ADAM15: variants seen among roughly 807,000 people sequenced by gnomAD.
The protein encoded by ADAM15 is disintegrin and metalloproteinase domain-containing protein 15.
In ADAM15, 77 loss-of-function variants were observed where a neutral mutation model predicts 113.8. The ratio of observed to expected loss-of-function variants is 0.68; its 90% CI spans 0.56 to 0.82. The LOEUF (loss-of-function observed/expected upper bound fraction) is 0.82. Among genes scored for constraint, ADAM15 ranks in the 40% least tolerant of loss-of-function variants. The pLI, the probability that ADAM15 is intolerant of heterozygous loss-of-function variation, is 0.00. For missense variants in ADAM15, 963 were observed against 1,120.1 expected (o/e 0.86, Z 2.00); for synonymous variants, 388 against 454.1 (o/e 0.85, Z 1.85).
intron 20 of ADAM15, 86 bp downstream of exon 20, chr1:155,061,575 G>T (rs1325272889): frequency 2.3e-5 from 33 of 1,407,330 alleles, no homozygotes; most frequent in Non-Finnish European, 5.9e-6. Context: ...CTCCCTGCCA[G>T]TGGTGCTCTT....
intron 18 of ADAM15, 68 bp from the exon 19 acceptor site, chr1:155,060,695 G>A: frequency 6.5e-7 from 1 of 1,527,536 alleles, no homozygotes; most frequent in Non-Finnish European, 9.1e-7. Flanking sequence ...CCCACTCAGG[G>A]ATGGCATATG....
At position 155,062,649 on chromosome 1, in the gene ADAM15, C is replaced by T; in HGVS notation, c.*147C>T. The T allele has an allele frequency of 8.8e-7, 1 of 1,138,300 alleles. No homozygotes were observed. The highest frequency in any genetic ancestry group is 1.2e-6 in the Non-Finnish European group (1 of 813,210). The allele number at this position is 1,138,300 out of a possible 1,614,324, so 70.5% of individuals were successfully genotyped here. On this transcript the variant is annotated 3_prime_UTR_variant, in exon 23 of 23. Coordinates refer to ENST00000356955, the MANE Select transcript of ADAM15 (RefSeq NM_207197.3). This position sits in a 1 kb window ranked among gnomAD's most constrained non-coding sequence, Gnocchi z 7.0. The stretch of plus-strand genomic sequence containing the variant: ...CACCGCCACGCGCTGTCAAGCAACA[C>T]TCTGCGGACCTGCCGGCGTAGTTGC...
intron 2 of ADAM15, 45 bp downstream of exon 2, chr1:155,052,822 C>A (rs1464399080): frequency 1.3e-6 from 2 of 1,559,486 alleles, no homozygotes; most frequent in East Asian, 2.3e-5. Context: ...TCCACACACG[C>A]CCCGGTATAG....
Position 155,062,226 on chromosome 1 carries a change from C to T in ADAM15, c.2425-19C>T, listed in dbSNP as rs1350338681. On this transcript the variant is annotated intron_variant, in intron 21 of 22. Coordinates refer to ENST00000356955, the MANE Select transcript of ADAM15 (RefSeq NM_207197.3). The surrounding 1 kb of genome is among the most constrained non-coding windows in gnomAD (Gnocchi z 7.0). The stretch of plus-strand genomic sequence containing the variant: ...GACACCCCCCCACCTAAGCCGGCCT[C>T]CTGCCTTCTCTCCCTCAGTCTCAGG... 6.9e-7 allele frequency: 1 copy of T among 1,448,138 alleles called. No individual in the cohort carries two copies. Among genetic ancestry groups the T allele is most frequent in the Non-Finnish European group, 9.1e-7 (1 of 1,097,694 alleles). The allele number at this position is 1,448,138 out of a possible 1,614,324, so 89.7% of individuals were successfully genotyped here. A position where few individuals can be genotyped will look rare whatever the true frequency, so the allele number is the denominator to read the frequency against.
intron 20 of ADAM15, 181 bp from the exon 21 acceptor site, chr1:155,061,723 A>T: frequency 1.2e-6 from 1 of 815,690 alleles, no homozygotes; most frequent in Non-Finnish European, 1.9e-6. Flanking sequence ...ACTGCGGTTG[A>T]CCTACACCTT....
chr1:155,053,617 T>C (rs1038263417), intron 3 of ADAM15, 124 bp downstream of exon 3: 19 of 979,004 alleles, frequency 1.9e-5, no homozygotes, highest in Non-Finnish European at 3.0e-5. Context: ...AGGGATATAC[T>C]ATCATGTATT....
Position 155,058,816 on chromosome 1 carries a change from G to C in ADAM15, c.1995+29G>C. Reference sequence around the variant, plus strand: ...AGCTGGGATGGGGGAAGTGGAAGGGGAGCAGAGAGCCTCTAGAGAGGAAAA... The same window carrying C: ...AGCTGGGATGGGGGAAGTGGAAGGGCAGCAGAGAGCCTCTAGAGAGGAAAA... On this transcript the variant is annotated intron_variant, in intron 16 of 22. Transcript: ENST00000356955. This position sits in a 1 kb window ranked among gnomAD's most constrained non-coding sequence, Gnocchi z 4.3. 7 of 1,597,948 alleles carry C rather than the reference G, an allele frequency of 4.4e-6. No individual in the cohort carries two copies. Among genetic ancestry groups the C allele is most frequent in the Non-Finnish European group, 6.0e-6 (7 of 1,171,440 alleles).
Position 155,062,348 on chromosome 1 carries a change from C to CG in ADAM15, c.2529dup (p.Pro844AlafsTer34). 1 of 1,573,672 alleles carries CG rather than the reference C, an allele frequency of 6.4e-7. No homozygotes were observed. Among genetic ancestry groups the CG allele is most frequent in the African/African-American group, 1.3e-5 (1 of 74,270 alleles). On this transcript the variant is annotated frameshift_variant, in exon 22 of 23. Coordinates refer to ENST00000356955, the MANE Select transcript of ADAM15 (RefSeq NM_207197.3). LOFTEE classifies it high-confidence loss of function. The surrounding 1 kb of genome is among the most constrained non-coding windows in gnomAD (Gnocchi z 7.0). ...CTGCCCGGCCCAGGGGCTGGAATCC[C>CG]GCCCCTAGTGGTACCCTCCAGGTAG...
Position 155,062,667 on chromosome 1 carries a change from G to A in ADAM15, c.*165G>A. Reference sequence around the variant, plus strand: ...AGCAACACTCTGCGGACCTGCCGGCGTAGTTGCAGCGGGGGCTTGGGGAGG... The same window carrying A: ...AGCAACACTCTGCGGACCTGCCGGCATAGTTGCAGCGGGGGCTTGGGGAGG... On this transcript the variant is annotated 3_prime_UTR_variant, in exon 23 of 23. Coordinates refer to ENST00000356955, the MANE Select transcript of ADAM15 (RefSeq NM_207197.3). This position sits in a 1 kb window ranked among gnomAD's most constrained non-coding sequence, Gnocchi z 7.0. 3 of 1,000,628 alleles carry A rather than the reference G, an allele frequency of 3.0e-6. No homozygotes were observed. Among genetic ancestry groups the A allele is most frequent in the South Asian group, 1.7e-5 (1 of 60,044 alleles). The allele number at this position is 1,000,628 out of a possible 1,614,324, so 62.0% of individuals were successfully genotyped here. A position where few individuals can be genotyped will look rare whatever the true frequency, so the allele number is the denominator to read the frequency against.
rs1571599581 is a variant in ADAM15, at chr1:155,054,240, A to C, written c.419+14A>C. On this transcript the variant is annotated intron_variant, in intron 5 of 22. Coordinates refer to ENST00000356955, the MANE Select transcript of ADAM15 (RefSeq NM_207197.3). ...CTCTGGGCTCAGGTATACTGGGCGG[A>C]TTTAATGACAGTAGAGAAAGTAAGG... The C allele has an allele frequency of 1.3e-6, 2 of 1,590,050 alleles. No individual in the cohort carries two copies. Among genetic ancestry groups the C allele is most frequent in the East Asian group, 4.5e-5 (2 of 44,650 alleles).
In ADAM15 at chr1:155,062,694, G is replaced by C; in HGVS notation, c.*192G>C. 1 of 752,768 alleles carries C rather than the reference G, an allele frequency of 1.3e-6. No homozygotes were observed. Among genetic ancestry groups the C allele is most frequent in the South Asian group, 1.9e-5 (1 of 53,688 alleles). 46.6% of individuals were successfully genotyped at this position (752,768 alleles called of 1,614,324 possible). On this transcript the variant is annotated 3_prime_UTR_variant, in exon 23 of 23. Transcript: ENST00000356955. This position sits in a 1 kb window ranked among gnomAD's most constrained non-coding sequence, Gnocchi z 7.0. ...AGTTGCAGCGGGGGCTTGGGGAGGG[G>C]CTGGGGGTTGGACGGGATTGAGGAA...
rs11589479 is a variant in ADAM15 at position 155,060,832 on chromosome 1, G to A, written c.2277G>A (p.Lys759=). 240,939 of 1,610,292 alleles carry A rather than the reference G, an allele frequency of 0.15. 20,064 individuals are homozygous for A. The highest frequency in any genetic ancestry group is 0.23 in the Middle Eastern group (1,398 of 6,050). The part of the protein sequence containing the change: ...PQRALLARGT[K]QASALSFPAP... ...GGGCCCTGCTGGCACGAGGCACTAA[G>A]GTGAGTCCTGGATGCCAGAGGAAGG... Residue 759 remains lysine (K), a splice_region_variant and synonymous_variant, in exon 19 of 23, where the codon AAG becomes AAA. Transcript: ENST00000356955.
intron 17 of ADAM15, 105 bp from the exon 18 acceptor site, chr1:155,060,100 C>T (rs932546753): frequency 5.7e-5 from 89 of 1,568,924 alleles, no homozygotes; most frequent in Non-Finnish European, 7.7e-5. Context: ...GCCCCTTGAA[C>T]CCTTCACTCT....
intron 1 of ADAM15, chr1:155,052,212 G>T (rs1661136443): frequency 4.9e-6 from 2 of 410,402 alleles, no homozygotes; most frequent in Non-Finnish European, 8.9e-6. Flanking sequence ...GTTTAGGGAG[G>T]TGGGGGTGTT....
chr1:155,055,147 A>G (rs916454618), intron 6 of ADAM15, among the ~76,000 whole-genome samples: 21 of 152,226 alleles, frequency 1.4e-4, no homozygotes, highest in African/African-American at 5.1e-4. Context: ...ATAAGTCCAT[A>G]TAGATGTAAA....
In ADAM15 at chr1:155,056,417, A is replaced by T. The variant is rs114004966; in HGVS notation, c.946A>T (p.Met316Leu). 1.9e-5 allele frequency: 30 copies of T among 1,614,038 alleles called. No individual in the cohort carries two copies. In the African/African-American group the frequency reaches 3.9e-4, roughly 21 times the overall value. The change falls in exon 10 of 23, where the codon ATG becomes TTG. Residue 316 changes from methionine (M) to leucine (L), a missense_variant. Physicochemically the swap from Met to Leu is conservative, Grantham distance 15 (BLOSUM62 2). Transcript: ENST00000356955. The surrounding 1 kb of genome is among the most constrained non-coding windows in gnomAD (Gnocchi z 4.0). ...TTCATTCTCTGGGCCTACGGTGGGC[A>T]TGGCCATTCAGAACTCCATCTGTTC... The part of the protein sequence containing the change: ...GTSFSGPTVG[M>L]AIQNSICSPD...
In ADAM15 at chr1:155,058,717, T is replaced by C; in HGVS notation, c.1925T>C (p.Ile642Thr). ...GTACGPGLVCIDHRCQRVDLL... is the reference protein window; with the variant it reads ...GTACGPGLVCTDHRCQRVDLL... ...CTTCTCTCCCTGGGTCAGGTGTGTA[T>C]AGACCATCGATGCCAGCGTGTGGAT... is the stretch of plus-strand genomic sequence containing the variant. The change falls in exon 16 of 23, where the codon ATA (isoleucine) becomes ACA (threonine). Residue 642 changes from isoleucine to threonine, a missense_variant. Transcript: ENST00000356955. This position sits in a 1 kb window ranked among gnomAD's most constrained non-coding sequence, Gnocchi z 4.3. The C allele has an allele frequency of 6.2e-7, 1 of 1,613,596 alleles. No individual in the cohort carries two copies. The highest frequency in any genetic ancestry group is 8.5e-7 in the Non-Finnish European group (1 of 1,179,796).
chr1:155,053,807 G>A lies in ADAM15; in HGVS notation c.264-103G>A, dbSNP rs1177816822. 4.4e-6 allele frequency: 6 copies of A among 1,364,926 alleles called. No individual in the cohort carries two copies. In the East Asian group the frequency reaches 6.9e-5, roughly 16 times the overall value. The allele number at this position is 1,364,926 out of a possible 1,614,324, so 84.6% of individuals were successfully genotyped here. Reference sequence around the variant, plus strand: ...CAGGAGTGGAAAAGTTGGCTGCGGGGGTTGCCTGGTCCCCAGCCCCACAAC... The same window carrying A: ...CAGGAGTGGAAAAGTTGGCTGCGGGAGTTGCCTGGTCCCCAGCCCCACAAC... On this transcript the variant is annotated intron_variant, in intron 3 of 22. Transcript: ENST00000356955.
rs554033498 is a variant in ADAM15, at chr1:155,057,621, G to A, written c.1324-16G>A. The A allele has an allele frequency of 7.4e-6, 12 of 1,613,936 alleles. No individual in the cohort carries two copies. The highest frequency in any genetic ancestry group is 3.3e-5 in the Admixed American group (2 of 59,984). ...CCACCTGCTCTGATGCCCGGCCCCC[G>A]TGCTCCTGCCCACAGGACTGCGTCG... On this transcript the variant is annotated splice_polypyrimidine_tract_variant and intron_variant, in intron 12 of 22. Transcript: ENST00000356955. The surrounding 1 kb of genome is among the most constrained non-coding windows in gnomAD (Gnocchi z 5.0).
Sources: gnomAD v4.1 joint callset for allele counts (sites outside exome capture counted in the v4.1 genomes callset) on GRCh38, gnomAD v4.1.1 for gene constraint, Gnocchi (gnomAD v3.1) non-coding constraint, MANE v1.5 for transcripts, NCBI Gene and HGNC (gene_info 2026-07-23, HGNC 2026-07-21) for gene names.